The following GSE1 variants were observed in gnomAD, a reference collection of about 807,000 sequenced individuals.
The protein encoded by GSE1 is Gse1 coiled-coil protein.
A neutral mutation model predicts 112.6 loss-of-function variants in GSE1; 32 were observed. The ratio of observed to expected loss-of-function variants is 0.28; its 90% CI spans 0.21 to 0.38. The LOEUF is 0.38. Ranked by LOEUF, GSE1 falls within the 10% of genes least tolerant of loss-of-function variation. The pLI, the probability that GSE1 is intolerant of heterozygous loss-of-function variation, is 1.00. For synonymous variants in GSE1, 1,115 were observed against 735.6 expected (o/e 1.52, Z -8.35); for missense variants, 2,348 against 1,699.2 (o/e 1.38, Z -6.71).
At chr16:85,514,983 G>T (rs1412344416) in intron 2 of GSE1, among the ~76,000 whole-genome samples, 1 of 152,180 alleles carries the variant, frequency 6.6e-6, no homozygotes, top group Non-Finnish European at 1.5e-5. Context: ...ATGCATGTTT[G>T]TGTGTGTGTG....
At chr16:85,422,004 C>G (rs1011909031) in intron 2 of GSE1, among the ~76,000 whole-genome samples, 4 of 152,156 alleles carry the variant, frequency 2.6e-5, no homozygotes, top group African/African-American at 9.7e-5. Flanking sequence ...GGGGGCCCCT[C>G]TCCCATGTAG....
Position 85,587,179 on chromosome 16 carries a change from C to A in GSE1, c.37+30816C>A, listed in dbSNP as rs866068752. 1.1e-4 allele frequency among the ~76,000 whole-genome samples: 16 copies of A among 151,000 alleles called. No individual in the cohort carries two copies. The South Asian group carries it at 1.3e-3, about 12-fold the overall frequency. ...GGTCTGAGGACGAAACCCCCCCCCC[C>A]CCAGACCAGACCCCATGGTCTGGAG... On this transcript the variant is annotated intron_variant, in intron 1 of 2. Coordinates refer to the GSE1 transcript ENST00000635906.
At position 85,655,888 on chromosome 16, in the gene GSE1, G is replaced by C; in HGVS notation, c.960G>C (p.Ser320=). 1 of 1,606,252 alleles carries C rather than the reference G, an allele frequency of 6.2e-7. No individual in the cohort carries two copies. ...LSHSSLAALH[S]ERMSGLSAER... ...ACTCATCCCTGGCAGCGCTGCACTC[G>C]GAGCGCATGTCTGGCCTCAGCGCGG... is the stretch of plus-strand genomic sequence containing the variant. Residue 320 remains serine (S), a synonymous_variant, in exon 6 of 16, where the codon TCG becomes TCC. Transcript: ENST00000253458.
chr16:85,360,652 A>G (rs1274464681), intron 2 of GSE1, among the ~76,000 whole-genome samples: 2 of 152,150 alleles, frequency 1.3e-5, no homozygotes, highest in African/African-American at 4.8e-5. Context: ...GGGAGGGGGC[A>G]CGTCCAGACA....
chr16:85,457,972 C>G (rs1339287457), intron 2 of GSE1, among the ~76,000 whole-genome samples: 1 of 152,188 alleles, frequency 6.6e-6, no homozygotes, highest in Non-Finnish European at 1.5e-5. Flanking sequence ...ATTGAAGTAG[C>G]TATTATTGAC....
At chr16:85,543,804 G>C (rs1034418582) in intron 2 of GSE1, among the ~76,000 whole-genome samples, 1 of 151,956 alleles carries the variant, frequency 6.6e-6, no homozygotes, top group South Asian at 2.1e-4. Flanking sequence ...TACGGAGGCA[G>C]TTTTGCTCCT....
At chr16:85,380,639 T>C (rs76955124) in intron 2 of GSE1, among the ~76,000 whole-genome samples, 1,978 of 152,298 alleles carry the variant, frequency 0.013, 46 homozygotes, top group African/African-American at 0.046. Context: ...CATTAGACGG[T>C]AGCTATTTGA....
At chr16:85,301,208 C>G (rs1333207907) in intron 1 of GSE1, among the ~76,000 whole-genome samples, 1 of 152,238 alleles carries the variant, frequency 6.6e-6, no homozygotes, top group Non-Finnish European at 1.5e-5. Flanking sequence ...GGTTAAACCT[C>G]CCAGGTCGAG....
At chr16:85,564,520 G>A (rs2045657008) in intron 1 of GSE1, among the ~76,000 whole-genome samples, 1 of 152,176 alleles carries the variant, frequency 6.6e-6, no homozygotes, top group African/African-American at 2.4e-5. Flanking sequence ...CTGTGTCCAA[G>A]AAGGCCACAG....
chr16:85,246,245 C>A (rs113580303), intron 1 of GSE1, among the ~76,000 whole-genome samples: 2 of 114,458 alleles, frequency 1.7e-5, no homozygotes, highest in African/African-American at 3.7e-5. Flanking sequence ...ACACGCACAC[C>A]ACACGCTGTC....
At chr16:85,424,376 G>T (rs1287797460) in intron 2 of GSE1, among the ~76,000 whole-genome samples, 1 of 152,196 alleles carries the variant, frequency 6.6e-6, no homozygotes, top group South Asian at 2.1e-4. Flanking sequence ...GAGGCTGGGG[G>T]CTTCCTGGTG....
At chr16:85,643,112 G>T (rs1327594659) in intron 2 of GSE1, among the ~76,000 whole-genome samples, 1 of 152,188 alleles carries the variant, frequency 6.6e-6, no homozygotes, top group Non-Finnish European at 1.5e-5. Flanking sequence ...CGCTGACTTT[G>T]GGGTGTCAGC....
intron 1 of GSE1, among the ~76,000 whole-genome samples, chr16:85,172,383 G>C (rs1165972695): frequency 6.6e-6 from 1 of 152,234 alleles, no homozygotes; most frequent in African/African-American, 2.4e-5. Context: ...TTGAGGGACA[G>C]TGGCCTAAAC....
intron 1 of GSE1, among the ~76,000 whole-genome samples, chr16:85,330,562 G>A (rs2046316174): frequency 6.6e-6 from 1 of 152,212 alleles, no homozygotes; most frequent in Non-Finnish European, 1.5e-5. Context: ...GCCTCACCTG[G>A]GGCACTGTGA....
chr16:85,643,193 G>A (rs1474412049), intron 2 of GSE1, among the ~76,000 whole-genome samples: 2 of 152,204 alleles, frequency 1.3e-5, no homozygotes, highest in African/African-American at 2.4e-5. Flanking sequence ...ACGCGGACAC[G>A]GGCTGCCTCT....
chr16:85,246,447 A>ACCCCACACGCTG (rs1450951402), intron 1 of GSE1, among the ~76,000 whole-genome samples: 2 of 66,914 alleles, frequency 3.0e-5, no homozygotes, highest in Non-Finnish European at 3.0e-5. Context: ...ACACACACAC[A>ACCCCACACGCTG]CACACACACA....
At chr16:85,429,570 G>A (rs529851282) in intron 2 of GSE1, among the ~76,000 whole-genome samples, 1 of 152,288 alleles carries the variant, frequency 6.6e-6, no homozygotes, top group South Asian at 2.1e-4. Context: ...TCCTTAGCCT[G>A]GCCTCAAAGC....
upstream of GSE1, among the ~76,000 whole-genome samples, chr16:85,612,247 G>C (rs957167756): frequency 4.5e-5 from 6 of 133,934 alleles, no homozygotes; most frequent in Non-Finnish European, 8.9e-5. Context: ...GGGTGGGGGC[G>C]GGGCGGGGCG....
At chr16:85,573,514 A>G (rs1184148017) in intron 1 of GSE1, among the ~76,000 whole-genome samples, 6 of 152,134 alleles carry the variant, frequency 3.9e-5, no homozygotes, top group Non-Finnish European at 7.4e-5. Flanking sequence ...TGGTAAGTCT[A>G]TTTAACTTTT....
Sources: gnomAD v4.1 joint callset for allele counts (sites outside exome capture counted in the v4.1 genomes callset) on GRCh38, gnomAD v4.1.1 for gene constraint, MANE v1.5 for transcripts, NCBI Gene and HGNC (gene_info 2026-07-23, HGNC 2026-07-21) for gene names.